Variants in VAT1L observed in about 807,000 individuals in gnomAD.
VAT1L encodes vesicle amine transport 1 like, also known as putative NADPH-dependent quinone oxidoreductase VAT1L.
A neutral mutation model predicts 44.1 loss-of-function variants in VAT1L; 34 were observed. The observed-to-expected ratio is 0.77, with a 90% CI of 0.59 to 1.03. VAT1L has a LOEUF of 1.03. Ranked by LOEUF, VAT1L falls within the 50% of genes least tolerant of loss-of-function variation. The pLI is 0.00. For synonymous variants in VAT1L, 253 were observed against 202.2 expected (o/e 1.25, Z -2.13); for missense variants, 615 against 538.8 (o/e 1.14, Z -1.40).
intron 7 of VAT1L, among the ~76,000 whole-genome samples, chr16:77,892,211 T>C (rs1156346263): frequency 6.6e-6 from 1 of 152,138 alleles, no homozygotes; most frequent in Non-Finnish European, 1.5e-5. Context: ...AGAGGATGAC[T>C]GAGGCCAAGC....
intron 7 of VAT1L, among the ~76,000 whole-genome samples, chr16:77,934,631 C>G (rs1485784565): frequency 6.6e-6 from 1 of 152,022 alleles, no homozygotes; most frequent in Non-Finnish European, 1.5e-5. Context: ...GTTATAGGAA[C>G]CATAGGGAAC....
At chr16:77,953,565 G>A (rs1021811923) in intron 7 of VAT1L, among the ~76,000 whole-genome samples, 3 of 151,822 alleles carry the variant, frequency 2.0e-5, no homozygotes, top group Non-Finnish European at 2.9e-5. Context: ...TTTTGATAAA[G>A]GGTCTCACTC....
chr16:77,873,536 C>G (rs1200346584), intron 4 of VAT1L, among the ~76,000 whole-genome samples: 7 of 152,190 alleles, frequency 4.6e-5, no homozygotes, highest in African/African-American at 1.7e-4. Context: ...AGAAGCAACA[C>G]TATATCCAAC....
intron 7 of VAT1L, among the ~76,000 whole-genome samples, chr16:77,910,769 A>G (rs1295253160): frequency 1.3e-5 from 2 of 152,132 alleles, no homozygotes; most frequent in African/African-American, 2.4e-5. Flanking sequence ...CATTAAAGAA[A>G]TCTCCTTGAC....
chr16:77,932,866 C>T, intron 7 of VAT1L, among the ~76,000 whole-genome samples: 1 of 152,170 alleles, frequency 6.6e-6, no homozygotes, highest in Non-Finnish European at 1.5e-5. Flanking sequence ...ACCAGGAGTG[C>T]TGAGATAGCT....
chr16:77,788,913 C>T lies in VAT1L; in HGVS notation c.231C>T (p.Ala77=), dbSNP rs897534359. ...GCGAGCTCAAGATCCGCGTCAAAGC[C>T]TGGTCCAGTATCCGCGCCTTTCTCG... ...QDGELKIRVK[A]CGLNFIDLMV... Residue 77 remains alanine (A), a splice_region_variant and synonymous_variant, in exon 1 of 9, where the codon GCC becomes GCT. Transcript: ENST00000302536. 2.0e-6 allele frequency: 3 copies of T among 1,509,058 alleles called. No individual in the cohort carries two copies. Among genetic ancestry groups the T allele is most frequent in the Non-Finnish European group, 2.7e-6 (3 of 1,130,418 alleles). The allele number at this position is 1,509,058 out of a possible 1,614,324, so 93.5% of individuals were successfully genotyped here. A position where few individuals can be genotyped will look rare whatever the true frequency, so the allele number is the denominator to read the frequency against.
intron 3 of VAT1L, among the ~76,000 whole-genome samples, chr16:77,854,371 G>A (rs1169378652): frequency 2.6e-5 from 4 of 152,160 alleles, no homozygotes; most frequent in Non-Finnish European, 5.9e-5. Flanking sequence ...TGAGAACACA[G>A]AATAGTCTTT....
chr16:77,934,568 A>T (rs1328496836), intron 7 of VAT1L, among the ~76,000 whole-genome samples: 1 of 152,154 alleles, frequency 6.6e-6, no homozygotes, highest in East Asian at 1.9e-4. Flanking sequence ...GACCTCTAGA[A>T]CTATAACATA....
chr16:77,930,102 G>A (rs192234454), intron 7 of VAT1L, among the ~76,000 whole-genome samples: 91 of 152,072 alleles, frequency 6.0e-4, no homozygotes, highest in Admixed American at 3.5e-3. Context: ...CCCAAACTTC[G>A]TATCCTTCTT....
chr16:77,919,294 T>C (rs1387620619), intron 7 of VAT1L, among the ~76,000 whole-genome samples: 1 of 152,174 alleles, frequency 6.6e-6, no homozygotes, highest in Admixed American at 6.5e-5. Flanking sequence ...TTGACAGGTG[T>C]TGTGCCTAGA....
At chr16:77,918,417 C>A (rs2017573002) in intron 7 of VAT1L, among the ~76,000 whole-genome samples, 1 of 152,152 alleles carries the variant, frequency 6.6e-6, no homozygotes, top group South Asian at 2.1e-4. Flanking sequence ...TCTCTTGAAT[C>A]TAGTCCTTTC....
chr16:77,844,845 C>G (rs11645362), intron 3 of VAT1L, among the ~76,000 whole-genome samples: 1 of 144,148 alleles, frequency 6.9e-6, no homozygotes, highest in African/African-American at 2.6e-5. Flanking sequence ...ACGATAAATA[C>G]GTGTGTGTGC....
chr16:77,927,702 C>G (rs1479023019), intron 7 of VAT1L, among the ~76,000 whole-genome samples: 1 of 151,864 alleles, frequency 6.6e-6, no homozygotes, highest in African/African-American at 2.4e-5. Context: ...ACAGTGAAAC[C>G]CCGTCTCTAC....
At chr16:77,876,646 A>G (rs2017090326) in intron 5 of VAT1L, among the ~76,000 whole-genome samples, 173 bp downstream of exon 5, 1 of 152,200 alleles carries the variant, frequency 6.6e-6, no homozygotes, top group African/African-American at 2.4e-5. Context: ...TTTCAATTTT[A>G]AAATAACATG....
chr16:77,872,538 G>A (rs2017043447), intron 4 of VAT1L, among the ~76,000 whole-genome samples: 1 of 152,148 alleles, frequency 6.6e-6, no homozygotes, highest in South Asian at 2.1e-4. Context: ...AAGAGTCCGT[G>A]TGGTCCAACT....
At position 77,825,333 on chromosome 16, in the gene VAT1L, G is replaced by A. The variant is rs1337585055; in HGVS notation, c.451G>A (p.Asp151Asn). The A allele has an allele frequency of 1.2e-6, 2 of 1,614,186 alleles. No homozygotes were observed. The highest frequency in any genetic ancestry group is 1.7e-6 in the Non-Finnish European group (2 of 1,180,048). Residue 151 changes from aspartate to asparagine, a missense_variant, in exon 3 of 9, where the codon GAT becomes AAT. Physicochemically the swap from Asp to Asn is conservative, Grantham distance 23. Coordinates refer to ENST00000302536, the MANE Select transcript of VAT1L (RefSeq NM_020927.3). ...TPVEFVYKIP[D>N]DMSFSEAAAF... ...AGTGGAGTTTGTCTACAAGATCCCG[G>A]ATGACATGAGCTTCTCCGAGGCTGC...
At chr16:77,871,631 C>T (rs1043128454) in intron 4 of VAT1L, among the ~76,000 whole-genome samples, 3 of 152,156 alleles carry the variant, frequency 2.0e-5, no homozygotes. Flanking sequence ...CTGACCCTCA[C>T]TGAGCCTCAT....
At chr16:77,788,969 G>A in intron 1 of VAT1L, 54 bp downstream of exon 1, 1 of 1,430,886 alleles carries the variant, frequency 7.0e-7, no homozygotes, top group Non-Finnish European at 9.1e-7. Context: ...TGGGCGCTGG[G>A]GAGGGGGTGG....
chr16:77,800,250 C>G (rs182894600), intron 1 of VAT1L: 5 of 152,296 alleles, frequency 3.3e-5, no homozygotes, highest in African/African-American at 1.2e-4. Flanking sequence ...TCACGATGCT[C>G]TGTAATTTTC....
Sources: gnomAD v4.1 joint callset for allele counts (sites outside exome capture counted in the v4.1 genomes callset) on GRCh38, gnomAD v4.1.1 for gene constraint, MANE v1.5 for transcripts, NCBI Gene and HGNC (gene_info 2026-07-23, HGNC 2026-07-21) for gene names.